The following SLC7A14 variants were observed in gnomAD, a reference collection of about 807,000 sequenced individuals.
SLC7A14 encodes the protein solute carrier family 7 member 14.
SLC7A14 carries 37 observed loss-of-function variants against 60.2 expected under a neutral mutation model. The observed-to-expected ratio is 0.61, with a 90% CI of 0.47 to 0.81. SLC7A14 has a LOEUF of 0.81. SLC7A14 is among the 30% of genes least tolerant of loss of function. SLC7A14 has a pLI of 0.00. For missense variants in SLC7A14, 886 were observed against 982.7 expected (o/e 0.90, Z 1.32); for synonymous variants, 399 against 395.8 (o/e 1.01, Z -0.10).
At chr3:170,578,197 AG>A (rs1715147201) in intron 1 of SLC7A14, among the ~76,000 whole-genome samples, 1 of 152,266 alleles carries the variant, frequency 6.6e-6, no homozygotes, top group South Asian at 2.1e-4. Flanking sequence ...TTCTGGGAAG[AG>A]GCAGAAGAGT....
At chr3:170,537,586 A>G (rs1284183679) in intron 1 of SLC7A14, among the ~76,000 whole-genome samples, 1 of 152,192 alleles carries the variant, frequency 6.6e-6, no homozygotes, top group Non-Finnish European at 1.5e-5. Context: ...TCTTTTCCTG[A>G]AAACACTCGG....
chr3:170,524,351 C>T (rs866315861), intron 2 of SLC7A14, among the ~76,000 whole-genome samples: 3 of 152,220 alleles, frequency 2.0e-5, no homozygotes, highest in Admixed American at 6.5e-5. Context: ...ATTTCAGGCT[C>T]TCCATGTGAG....
intron 7 of SLC7A14, among the ~76,000 whole-genome samples, chr3:170,474,643 C>T (rs1179718163): frequency 6.6e-6 from 1 of 152,164 alleles, no homozygotes; most frequent in African/African-American, 2.4e-5. Flanking sequence ...ATTCATTGCT[C>T]TTTCTTTCCC....
At chr3:170,539,572 TTG>T (rs1713949963) in intron 1 of SLC7A14, among the ~76,000 whole-genome samples, 1 of 152,228 alleles carries the variant, frequency 6.6e-6, no homozygotes, top group African/African-American at 2.4e-5. Context: ...TGACATTTAA[TTG>T]TTTATATTTT....
intron 4 of SLC7A14, among the ~76,000 whole-genome samples, chr3:170,497,398 C>G (rs1029633580): frequency 2.0e-5 from 3 of 152,146 alleles, no homozygotes; most frequent in South Asian, 2.1e-4. Context: ...TAAATTGCTT[C>G]CTTGCTTATT....
chr3:170,521,129 G>A (rs1713328815), intron 2 of SLC7A14, among the ~76,000 whole-genome samples: 1 of 152,250 alleles, frequency 6.6e-6, no homozygotes, highest in Non-Finnish European at 1.5e-5. Flanking sequence ...AGCACAAGCT[G>A]CTTCCTCTGA....
intron 1 of SLC7A14, among the ~76,000 whole-genome samples, chr3:170,565,008 A>G (rs1180509912): frequency 6.6e-6 from 1 of 152,176 alleles, no homozygotes; most frequent in African/African-American, 2.4e-5. Flanking sequence ...TTCTTGCTAC[A>G]GAAGCCTCGA....
chr3:170,487,445 C>T, intron 4 of SLC7A14, among the ~76,000 whole-genome samples: 1 of 151,782 alleles, frequency 6.6e-6, no homozygotes, highest in East Asian at 1.9e-4. Context: ...CAAGCCCTAG[C>T]CAGTGGTCCA....
At chr3:170,566,664 ATC>A (rs1444586922) in intron 1 of SLC7A14, among the ~76,000 whole-genome samples, 6 of 152,096 alleles carry the variant, frequency 3.9e-5, no homozygotes, top group Non-Finnish European at 2.9e-5. Flanking sequence ...TTAAGGTCTA[ATC>A]TCCTTAGTTC....
chr3:170,482,012 G>C (rs922149001), intron 6 of SLC7A14, among the ~76,000 whole-genome samples: 1 of 152,230 alleles, frequency 6.6e-6, no homozygotes, highest in Non-Finnish European at 1.5e-5. Flanking sequence ...AGAGGATTCT[G>C]ATTTATGCCA....
chr3:170,472,401 A>G (rs1247306073), intron 7 of SLC7A14, among the ~76,000 whole-genome samples: 1 of 149,676 alleles, frequency 6.7e-6, no homozygotes, highest in Non-Finnish European at 1.5e-5. Context: ...TTTAACACAG[A>G]CATGGTTGGA....
chr3:170,467,194 T>C lies in SLC7A14; in HGVS notation c.2177A>G (p.Asp726Gly), dbSNP rs757506630. ...SQEDWGGPTEDKGFYYQQMSD... is the reference protein window; with the variant it reads ...SQEDWGGPTEGKGFYYQQMSD... The stretch of plus-strand genomic sequence containing the variant: ...CATCTGTTGGTAATAGAAGCCTTTG[T>C]CTTCAGTGGGCCCGCCCCAGTCCTC... The change falls in exon 8 of 8, where the codon GAC becomes GGC. Residue 726 changes from aspartate (D) to glycine (G), a missense_variant. Coordinates refer to ENST00000231706, the MANE Select transcript of SLC7A14 (RefSeq NM_020949.3). 2 of 1,614,264 alleles carry C rather than the reference T, an allele frequency of 1.2e-6. No homozygotes were observed. Among genetic ancestry groups the C allele is most frequent in the Admixed American group, 3.3e-5 (2 of 60,026 alleles).
In SLC7A14 at chr3:170,467,375, G is replaced by A. The variant is rs2108261871; in HGVS notation, c.1996C>T (p.Leu666=). 1 of 1,580,532 alleles carries A rather than the reference G, an allele frequency of 6.3e-7. No individual in the cohort carries two copies. Among genetic ancestry groups the A allele is most frequent in the East Asian group, 2.3e-5 (1 of 44,344 alleles). The change falls in exon 8 of 8, where the codon CTG becomes TTG. Residue 666 remains leucine, a splice_region_variant and synonymous_variant. Coordinates refer to ENST00000231706, the MANE Select transcript of SLC7A14 (RefSeq NM_020949.3). ...ATGCCATATCCAAAATAAATGAGCA[G>A]ACCTGTGGGGCGAGGGGAAAGGTAC... The part of the protein sequence containing the change: ...IRFAVWCFVG[L]LIYFGYGIWN...
At chr3:170,498,236 C>G (rs1712470754) in intron 4 of SLC7A14, among the ~76,000 whole-genome samples, 1 of 152,186 alleles carries the variant, frequency 6.6e-6, no homozygotes, top group African/African-American at 2.4e-5. Context: ...GCAGTCGTGG[C>G]TGACTGGGTT....
chr3:170,526,511 G>A, intron 2 of SLC7A14, 122 bp downstream of exon 2: 2 of 1,234,618 alleles, frequency 1.6e-6, no homozygotes, highest in South Asian at 3.0e-5. Flanking sequence ...AAAAGAGCAT[G>A]ATGATCCACT....
chr3:170,487,400 T>C (rs1157775394), intron 4 of SLC7A14, among the ~76,000 whole-genome samples: 4 of 151,852 alleles, frequency 2.6e-5, no homozygotes, highest in Non-Finnish European at 5.9e-5. Flanking sequence ...AGAGATATTT[T>C]TGGACTTGTG....
At chr3:170,505,966 T>A (rs1712769228) in intron 2 of SLC7A14, among the ~76,000 whole-genome samples, 1 of 152,230 alleles carries the variant, frequency 6.6e-6, no homozygotes, top group East Asian at 1.9e-4. Context: ...TGCCCCTGAG[T>A]TACCTTTCTA....
chr3:170,550,932 A>G (rs1012347030), intron 1 of SLC7A14, among the ~76,000 whole-genome samples: 2 of 152,208 alleles, frequency 1.3e-5, no homozygotes, highest in Admixed American at 1.3e-4. Flanking sequence ...TAAAGTATAT[A>G]TTTCAGTGTT....
intron 1 of SLC7A14, among the ~76,000 whole-genome samples, chr3:170,560,048 C>A (rs1714601670): frequency 6.6e-6 from 1 of 152,186 alleles, no homozygotes; most frequent in Non-Finnish European, 1.5e-5. Context: ...CAAGAATAAT[C>A]CCAATCAAAT....
Sources: gnomAD v4.1 joint callset for allele counts (sites outside exome capture counted in the v4.1 genomes callset) on GRCh38, gnomAD v4.1.1 for gene constraint, MANE v1.5 for transcripts, NCBI Gene and HGNC (gene_info 2026-07-23, HGNC 2026-07-21) for gene names.